The following FATE1 variants were observed in gnomAD, a reference collection of about 807,000 sequenced individuals.
The protein encoded by FATE1 is fetal and adult testis-expressed transcript protein.
In FATE1, 18 loss-of-function variants were observed where a neutral mutation model predicts 16.0. The observed-to-expected ratio is 1.12, with a 90% confidence interval of 0.78 to 1.66. The LOEUF is 1.66. Among genes scored for constraint, FATE1 ranks in the 40% most tolerant of loss-of-function variants. The pLI, the probability that FATE1 is intolerant of heterozygous loss-of-function variation, is 0.00. For synonymous variants in FATE1, 76 were observed against 56.9 expected (o/e 1.34, Z -1.51); for missense variants, 169 against 152.7 (o/e 1.11, Z -0.56).
At chrX:151,719,273 T>C (rs2124356244) in intron 2 of FATE1, among the ~76,000 whole-genome samples, 1 of 112,227 alleles carries the variant, frequency 8.9e-6, no homozygotes, top group East Asian at 2.8e-4. Context: ...AGGAGAACCA[T>C]AATATGCAAG....
Position 151,717,411 on chromosome X carries a change from G to T in FATE1, c.234+12G>T. On this transcript the variant is annotated intron_variant, in intron 2 of 4. Coordinates refer to ENST00000370350, the MANE Select transcript of FATE1 (RefSeq NM_033085.3). ...GACCCAAGAAAATGGTACTGTATGG[G>T]GTCCTCAGCACTTGGTGGCCAGGTT... is the stretch of plus-strand genomic sequence containing the variant. 1 of 1,193,930 alleles carries T rather than the reference G, an allele frequency of 8.4e-7. No homozygotes were observed. The highest frequency in any genetic ancestry group is 1.8e-5 in the South Asian group (1 of 56,371).
intron 2 of FATE1, 88 bp downstream of exon 2, chrX:151,717,487 G>A: frequency 6.9e-6 from 7 of 1,013,735 alleles, no homozygotes; most frequent in Admixed American, 2.9e-5. Context: ...GGTCAGGCAG[G>A]GCTAGACGTT....
At chrX:151,720,885 T>C (rs1396778454) in intron 2 of FATE1, among the ~76,000 whole-genome samples, 2 of 111,081 alleles carry the variant, frequency 1.8e-5, no homozygotes, top group Admixed American at 9.5e-5. Flanking sequence ...TGCTAGGGAG[T>C]TGTTGGCAGA....
chrX:151,720,067 T>C (rs1461637127), intron 2 of FATE1, among the ~76,000 whole-genome samples: 1 of 111,935 alleles, frequency 8.9e-6, no homozygotes, highest in Non-Finnish European at 1.9e-5. Flanking sequence ...AGCTTTCTTA[T>C]TCATTTGGTT....
At position 151,716,162 on chromosome X, in the gene FATE1, T is replaced by A. The variant is rs1313761220; in HGVS notation, c.43T>A (p.Ser15Thr). 3 of 1,167,521 alleles carry A rather than the reference T, an allele frequency of 2.6e-6. No individual in the cohort carries two copies. Among genetic ancestry groups the A allele is most frequent in the Admixed American group, 2.6e-5 (1 of 38,760 alleles). The change falls in exon 1 of 5, where the codon TCC (serine) becomes ACC (threonine). Residue 15 changes from serine (S) to threonine (T), a missense_variant. Coordinates refer to ENST00000370350, the MANE Select transcript of FATE1 (RefSeq NM_033085.3). ...PPNTKAEMEM[S>T]LAEELNHGRQ... ...CAACACCAAGGCGGAGATGGAAATG[T>A]CCCTGGCAGAAGAACTGAATCATGG...
intron 1 of FATE1, 47 bp from the exon 2 acceptor site, chrX:151,717,225 G>T: frequency 8.5e-7 from 1 of 1,175,011 alleles, no homozygotes. Flanking sequence ...AAGAAACCCT[G>T]GTGCAACTTC....
At chrX:151,718,526 T>A (rs1348035908) in intron 2 of FATE1, among the ~76,000 whole-genome samples, 3 of 112,424 alleles carry the variant, frequency 2.7e-5, no homozygotes, top group Non-Finnish European at 3.8e-5. Context: ...ATTGTTGTTA[T>A]GCTGTTGCAA....
Position 151,722,505 on chromosome X carries a change from C to T in FATE1, c.421-123C>T, listed in dbSNP as rs747373790. On this transcript the variant is annotated intron_variant, in intron 4 of 4. Transcript: ENST00000370350. ...CCTGCTTCTCACTAGGGGCGCTCCC[C>T]GCTCCACCGCCAAAGGGCAATCAAG... is the stretch of plus-strand genomic sequence containing the variant. 2.5e-4 allele frequency: 259 copies of T among 1,049,770 alleles called. No homozygotes were observed. The East Asian group carries it at 7.4e-3, about 30-fold the overall frequency. The allele number at this position is 1,049,770 out of a possible 1,213,427, so 86.5% of individuals were successfully genotyped here. A position where few individuals can be genotyped will look rare whatever the true frequency, so the allele number is the denominator to read the frequency against.
chrX:151,718,476 C>G (rs1262659850), intron 2 of FATE1, among the ~76,000 whole-genome samples: 1 of 112,064 alleles, frequency 8.9e-6, no homozygotes. Context: ...ATCATTTTAG[C>G]TAGCTACATT....
intron 3 of FATE1, 45 bp downstream of exon 3, chrX:151,721,546 C>A (rs3827442): frequency 5.5e-6 from 6 of 1,100,738 alleles, no homozygotes; most frequent in African/African-American, 5.4e-5. Flanking sequence ...AGACAGGGCC[C>A]GGAGTGGGGC....
At chrX:151,717,202 G>T in intron 1 of FATE1, 70 bp from the exon 2 acceptor site, 1 of 1,132,801 alleles carries the variant, frequency 8.8e-7, no homozygotes. Flanking sequence ...TCTTTTTGGT[G>T]TGTTTTGTGC....
intron 2 of FATE1, among the ~76,000 whole-genome samples, chrX:151,718,169 GAAGGGGA>G: frequency 1.3e-5 from 1 of 78,109 alleles, no homozygotes; most frequent in Non-Finnish European, 2.4e-5. Context: ...AGGAAGGAAG[GAAGGGGA>G]AAAGAAAGGA....
Position 151,721,913 on chromosome X carries a change from A to G in FATE1, c.352A>G (p.Thr118Ala). 1 of 1,211,112 alleles carries G rather than the reference A, an allele frequency of 8.3e-7. No homozygotes were observed. Among genetic ancestry groups the G allele is most frequent in the Non-Finnish European group, 1.1e-6 (1 of 895,217 alleles). The change falls in exon 4 of 5, where the codon ACA becomes GCA. Residue 118 changes from threonine to alanine, a missense_variant. Coordinates refer to ENST00000370350, the MANE Select transcript of FATE1 (RefSeq NM_033085.3). ...TTTTTTCTCTCCCAGCAACCCAGGG[A>G]CAGATGCAGTGGCGCAGACTAGCCT... Reference protein sequence around the residue: ...IRFHYDRNPGTDAVAQTSLEE... With the variant: ...IRFHYDRNPGADAVAQTSLEE...
intron 2 of FATE1, 109 bp downstream of exon 2, chrX:151,717,508 G>A: frequency 1.1e-6 from 1 of 925,493 alleles, no homozygotes; most frequent in East Asian, 3.6e-5. Context: ...GACTTGTGAG[G>A]AGGAGGAAGC....
At position 151,717,381 on chromosome X, in the gene FATE1, C is replaced by T. The variant is rs2015070695; in HGVS notation, c.216C>T (p.Ala72=). 1 of 1,201,471 alleles carries T rather than the reference C, an allele frequency of 8.3e-7. No individual in the cohort carries two copies. The highest frequency in any genetic ancestry group is 1.8e-5 in the African/African-American group (1 of 56,767). Residue 72 remains alanine, a synonymous_variant, in exon 2 of 5, where the codon GCC becomes GCT. Coordinates refer to ENST00000370350, the MANE Select transcript of FATE1 (RefSeq NM_033085.3). The stretch of plus-strand genomic sequence containing the variant: ...CCAAACGAGTTTGGAATATGACTGC[C>T]ACCCGACCCAAGAAAATGGTACTGT... ...ASAKRVWNMT[A]TRPKKMGSQL...
intron 2 of FATE1, among the ~76,000 whole-genome samples, 200 bp downstream of exon 2, chrX:151,717,599 A>G (rs1375423634): frequency 8.9e-6 from 1 of 112,444 alleles, no homozygotes; most frequent in Non-Finnish European, 1.9e-5. Context: ...TGGGGGTTCA[A>G]CCTTGGGAAT....
At position 151,721,499 on chromosome X, in the gene FATE1, T is replaced by C. The variant is rs747968282; in HGVS notation, c.339T>C (p.Asp113=). The C allele has an allele frequency of 1.7e-6, 2 of 1,206,567 alleles. No individual in the cohort carries two copies. The highest frequency in any genetic ancestry group is 1.1e-6 in the Non-Finnish European group (1 of 890,763). The change falls in exon 3 of 5, where the codon GAT becomes GAC. Residue 113 remains aspartate, a splice_region_variant and synonymous_variant. Coordinates refer to ENST00000370350, the MANE Select transcript of FATE1 (RefSeq NM_033085.3). ...TCCAAGGCATACGTTTCCATTATGA[T>C]CGGTAAGAGCTGAGGGTCTGTGGGC... The part of the protein sequence containing the change: ...GNFQGIRFHY[D]RNPGTDAVAQ...
chrX:151,716,198 G>C lies in FATE1; in HGVS notation c.79G>C (p.Glu27Gln). Reference sequence around the variant, plus strand: ...AGAACTGAATCATGGACGCCAAGGGGAAAACCAAGAGCACCTGGTGATAGC... The same window carrying C: ...AGAACTGAATCATGGACGCCAAGGGCAAAACCAAGAGCACCTGGTGATAGC... Reference protein sequence around the residue: ...AEELNHGRQGENQEHLVIAEM... With the variant: ...AEELNHGRQGQNQEHLVIAEM... The change falls in exon 1 of 5, where the codon GAA (glutamate) becomes CAA (glutamine). Residue 27 changes from glutamate (E) to glutamine (Q), a missense_variant. By Grantham distance (29) the Glu-to-Gln change is conservative (BLOSUM62 2). Coordinates refer to ENST00000370350, the MANE Select transcript of FATE1 (RefSeq NM_033085.3). The C allele has an allele frequency of 2.6e-6, 3 of 1,167,776 alleles. No individual in the cohort carries two copies. Among genetic ancestry groups the C allele is most frequent in the Non-Finnish European group, 2.3e-6 (2 of 872,912 alleles).
chrX:151,716,423 C>T (rs1334464476), intron 1 of FATE1, among the ~76,000 whole-genome samples, 198 bp downstream of exon 1: 5 of 111,634 alleles, frequency 4.5e-5, no homozygotes, highest in African/African-American at 1.6e-4. Flanking sequence ...GCATTTTTCC[C>T]TGGGAGGGAG....
Sources: allele counts gnomAD v4.1 joint callset (sites outside exome capture counted in the v4.1 genomes callset), GRCh38; gene constraint gnomAD v4.1.1; transcripts MANE v1.5; gene names NCBI Gene and HGNC (gene_info 2026-07-23, HGNC 2026-07-21).